Variants in TOPAZ1 observed in about 807,000 individuals in gnomAD.
TOPAZ1 encodes the protein testis and ovary specific TOPAZ 1, also known as protein TOPAZ1.
TOPAZ1 carries 66 observed loss-of-function variants against 172.2 expected under a neutral mutation model. The observed-to-expected ratio is 0.38, with a 90% CI of 0.31 to 0.47. The LOEUF (loss-of-function observed/expected upper bound fraction) is 0.47, where lower values mean the gene tolerates loss of function less well. Among genes scored for constraint, TOPAZ1 ranks in the 20% least tolerant of loss-of-function variants. The pLI is 0.99. For missense variants in TOPAZ1, 1,822 were observed against 1,972.4 expected, an observed-to-expected ratio of 0.92 and a Z score of 1.44; for synonymous variants, 681 against 683.9, an observed-to-expected ratio of 1.00 and a Z score of 0.07.
rs1575702130 is a variant in TOPAZ1, at chr3:44,243,626, A to G, written c.1120A>G (p.Thr374Ala). 6.5e-7 allele frequency: 1 copy of G among 1,550,236 alleles called. No homozygotes were observed. Among genetic ancestry groups the G allele is most frequent in the African/African-American group, 1.4e-5 (1 of 73,186 alleles). ...QMIADGKEAE[T>A]KSPLNVLRKV... Reference sequence around the variant, plus strand: ...GATTGCTGATGGTAAAGAAGCAGAGACTAAAAGTCCTTTAAATGTTTTGAG... The same window carrying G: ...GATTGCTGATGGTAAAGAAGCAGAGGCTAAAAGTCCTTTAAATGTTTTGAG... The change falls in exon 2 of 20, where the codon ACT becomes GCT. Residue 374 changes from threonine (T) to alanine (A), a missense_variant. Around this residue, in one of 2 missense-constraint regions of TOPAZ1, gnomAD observed 1,489 missense variants for 1,490.8 expected, o/e 1.00. Transcript: ENST00000309765.
chr3:44,243,963 T>C lies in TOPAZ1; in HGVS notation c.1457T>C (p.Ile486Thr). 6.4e-7 allele frequency: 1 copy of C among 1,552,278 alleles called. No individual in the cohort carries two copies. Reference protein sequence around the residue: ...EELKLSCQRTIPMTGKRTWPY... With the variant: ...EELKLSCQRTTPMTGKRTWPY... Reference sequence around the variant, plus strand: ...TTGAAGTTAAGCTGTCAGAGAACAATACCTATGACTGGTAAAAGAACTTGG... The same window carrying C: ...TTGAAGTTAAGCTGTCAGAGAACAACACCTATGACTGGTAAAAGAACTTGG... Residue 486 changes from isoleucine (I) to threonine (T), a missense_variant, in exon 2 of 20, where the codon ATA becomes ACA. Around this residue, in one of 2 missense-constraint regions of TOPAZ1, gnomAD observed 1,489 missense variants for 1,490.8 expected, o/e 1.00. Transcript: ENST00000309765.
rs1699480740 is a variant in TOPAZ1, at chr3:44,241,958, G to A, written c.-96G>A. 1 of 1,188,760 alleles carries A rather than the reference G, an allele frequency of 8.4e-7. No individual in the cohort carries two copies. Among genetic ancestry groups the A allele is most frequent in the East Asian group, 2.6e-5 (1 of 38,456 alleles). The allele number at this position is 1,188,760 out of a possible 1,614,324, so 73.6% of individuals were successfully genotyped here. On this transcript the variant is annotated 5_prime_UTR_variant, in exon 1 of 20. Coordinates refer to ENST00000309765, the MANE Select transcript of TOPAZ1 (RefSeq NM_001145030.2). ...GACTGGCGGTGTGGGGTGGGTCAGA[G>A]GGCAGTAGGTACCTCCAGGCGGGAG...
At chr3:44,287,938 C>T in intron 11 of TOPAZ1, 99 bp downstream of exon 11, 1 of 622,176 alleles carries the variant, frequency 1.6e-6, no homozygotes, top group South Asian at 2.0e-5. Flanking sequence ...TATTCACATT[C>T]TGGATGCCAA....
At position 44,256,246 on chromosome 3, in the gene TOPAZ1, G is replaced by A; in HGVS notation, c.2923G>A (p.Glu975Lys). Residue 975 changes from glutamate to lysine, a missense_variant, in exon 4 of 20, where the codon GAA becomes AAA. This residue lies in a region of TOPAZ1 where 1,489 missense variants were observed against 1,490.8 expected (regional missense o/e 1.00). Coordinates refer to ENST00000309765, the MANE Select transcript of TOPAZ1 (RefSeq NM_001145030.2). ...AAATGAAACACTGGGAGACTTCAGT[G>A]AACAAATAAAAGGTTCAGACTTGGA... is the stretch of plus-strand genomic sequence containing the variant. ...SENETLGDFS[E>K]QIKGSDLDEK... The A allele has an allele frequency of 6.5e-7, 1 of 1,530,936 alleles. No individual in the cohort carries two copies. The highest frequency in any genetic ancestry group is 8.8e-7 in the Non-Finnish European group (1 of 1,141,396). The allele number at this position is 1,530,936 out of a possible 1,614,324, so 94.8% of individuals were successfully genotyped here. A position where few individuals can be genotyped will look rare whatever the true frequency, so the allele number is the denominator to read the frequency against.
chr3:44,259,663 G>T (rs890020886), intron 4 of TOPAZ1, among the ~76,000 whole-genome samples: 1 of 152,176 alleles, frequency 6.6e-6, no homozygotes, highest in African/African-American at 2.4e-5. Context: ...TTGTCAAATT[G>T]TCCTTCATAG....
At chr3:44,262,653 G>GTCAC (rs1442174974) in intron 5 of TOPAZ1, among the ~76,000 whole-genome samples, 170 bp downstream of exon 5, 1 of 152,070 alleles carries the variant, frequency 6.6e-6, no homozygotes, top group Non-Finnish European at 1.5e-5. Flanking sequence ...AAGGGGTATT[G>GTCAC]TAAATTACCT....
intron 19 of TOPAZ1, 144 bp from the exon 20 acceptor site, chr3:44,331,648 C>G: frequency 1.4e-6 from 1 of 715,216 alleles, no homozygotes; most frequent in South Asian, 1.9e-5. Context: ...GGGTCATGAT[C>G]AAAAAAGTTT....
At chr3:44,269,665 G>A (rs2125686340) in intron 7 of TOPAZ1, among the ~76,000 whole-genome samples, 1 of 151,410 alleles carries the variant, frequency 6.6e-6, no homozygotes, top group Admixed American at 6.6e-5. Flanking sequence ...TTGTCGTCTA[G>A]GCTGGAGTAC....
chr3:44,332,573 A>G (rs561621371), downstream of TOPAZ1, among the ~76,000 whole-genome samples: 1 of 152,264 alleles, frequency 6.6e-6, no homozygotes, highest in South Asian at 2.1e-4. Flanking sequence ...GCATTACACT[A>G]GATAAGACAC....
In TOPAZ1 at chr3:44,288,235, C is replaced by A. The variant is rs538712143; in HGVS notation, c.3681+396C>A. Among the ~76,000 whole-genome samples, 124 of 152,104 alleles carry A rather than the reference C, an allele frequency of 8.2e-4. 5 individuals are homozygous for A. The South Asian group carries it at 0.025, about 31-fold the overall frequency. On this transcript the variant is annotated intron_variant, in intron 11 of 19. Transcript: ENST00000309765. ...TTCCTAGTATTTGATACTACTCAAT[C>A]GTCTACTTCAGAATAGGCCTGATAG... is the stretch of plus-strand genomic sequence containing the variant.
At chr3:44,317,566 A>T (rs1192011582) in intron 16 of TOPAZ1, among the ~76,000 whole-genome samples, 1 of 152,204 alleles carries the variant, frequency 6.6e-6, no homozygotes, top group African/African-American at 2.4e-5. Flanking sequence ...TAATAGTTTT[A>T]TGTTCCCAGT....
chr3:44,288,128 A>T (rs1233562778), intron 11 of TOPAZ1, among the ~76,000 whole-genome samples: 1 of 152,136 alleles, frequency 6.6e-6, no homozygotes, highest in African/African-American at 2.4e-5. Flanking sequence ...TCTTTCTCTA[A>T]AAGACTTGAG....
intron 16 of TOPAZ1, among the ~76,000 whole-genome samples, chr3:44,311,164 A>AAT (rs1700394045): frequency 6.6e-6 from 1 of 152,200 alleles, no homozygotes; most frequent in African/African-American, 2.4e-5. Flanking sequence ...ATATATGGGA[A>AAT]ATATATGTAT....
chr3:44,245,598 G>T (rs917737793), intron 2 of TOPAZ1, among the ~76,000 whole-genome samples: 1 of 125,866 alleles, frequency 7.9e-6, no homozygotes, highest in Non-Finnish European at 1.6e-5. Context: ...GTGCAGTGGC[G>T]CAATCTCAGC....
intron 8 of TOPAZ1, among the ~76,000 whole-genome samples, chr3:44,278,687 A>G (rs1176381225): frequency 6.6e-6 from 1 of 152,054 alleles, no homozygotes; most frequent in African/African-American, 2.4e-5. Flanking sequence ...TATCCATTGT[A>G]AAGTCTGCTT....
intron 16 of TOPAZ1, among the ~76,000 whole-genome samples, chr3:44,310,652 C>G (rs1014858752): frequency 5.3e-5 from 8 of 152,168 alleles, no homozygotes; most frequent in Admixed American, 5.2e-4. Flanking sequence ...GAGATATTAA[C>G]CAACTTGCCC....
At chr3:44,272,062 T>C (rs1699904981) in intron 8 of TOPAZ1, among the ~76,000 whole-genome samples, 1 of 152,148 alleles carries the variant, frequency 6.6e-6, no homozygotes, top group Non-Finnish European at 1.5e-5. Context: ...ATCTGTGTTA[T>C]GGTGACAAAA....
intron 16 of TOPAZ1, among the ~76,000 whole-genome samples, chr3:44,314,085 G>A (rs911439334): frequency 6.6e-6 from 1 of 151,632 alleles, no homozygotes; most frequent in Admixed American, 6.6e-5. Context: ...TGTCACCCAC[G>A]CCTGGCTAAT....
At chr3:44,288,788 T>G (rs1385705055) in intron 11 of TOPAZ1, among the ~76,000 whole-genome samples, 2 of 152,214 alleles carry the variant, frequency 1.3e-5, no homozygotes, top group Non-Finnish European at 2.9e-5. Context: ...TACCCCGCAG[T>G]GACTGTCTAA....
Sources: allele counts gnomAD v4.1 joint callset (sites outside exome capture counted in the v4.1 genomes callset), GRCh38; gene constraint gnomAD v4.1.1; regional missense constraint gnomAD v4.1.1; transcripts MANE v1.5; gene names NCBI Gene and HGNC (gene_info 2026-07-23, HGNC 2026-07-21).